The following THADA variants were observed in gnomAD, a reference collection of about 807,000 sequenced individuals.
THADA encodes THADA armadillo repeat containing.
In THADA, 213 loss-of-function variants were observed where a neutral mutation model predicts 219.8. That is an observed-to-expected ratio of 0.97 (90% CI 0.87 to 1.09). The LOEUF is 1.09. Ranked by LOEUF, THADA falls within the 50% of genes least tolerant of loss-of-function variation. The pLI, the probability that THADA is intolerant of heterozygous loss-of-function variation, is 0.00. For synonymous variants in THADA, 1,018 were observed against 828.9 expected (o/e 1.23, Z -3.92); for missense variants, 2,956 against 2,311.3 (o/e 1.28, Z -5.72).
At chr2:43,274,993 CT>C (rs202126240) in intron 36 of THADA, among the ~76,000 whole-genome samples, 6,233 of 121,634 alleles carry the variant, frequency 0.051, 458 homozygotes, top group African/African-American at 0.18. Context: ...CTTTTCTTTT[CT>C]TTTCTTTTTT....
chr2:43,483,507 A>G (rs1283238339), intron 26 of THADA, among the ~76,000 whole-genome samples: 1 of 152,166 alleles, frequency 6.6e-6, no homozygotes, highest in East Asian at 1.9e-4. Flanking sequence ...TCAGATTACT[A>G]AAATTAAAAG....
At chr2:43,550,409 C>T (rs534352249) in intron 19 of THADA, among the ~76,000 whole-genome samples, 3 of 152,238 alleles carry the variant, frequency 2.0e-5, no homozygotes, top group Admixed American at 6.5e-5. Context: ...GAAAAACTAA[C>T]AATGACCCCA....
At chr2:43,396,715 G>T (rs1161828730) in intron 29 of THADA, among the ~76,000 whole-genome samples, 2 of 152,018 alleles carry the variant, frequency 1.3e-5, no homozygotes, top group Admixed American at 1.3e-4. Flanking sequence ...GGAGGCTGAG[G>T]CACGAGAATG....
At chr2:43,434,045 GC>G (rs1386514073) in intron 26 of THADA, among the ~76,000 whole-genome samples, 2 of 152,092 alleles carry the variant, frequency 1.3e-5, no homozygotes, top group African/African-American at 4.8e-5. Flanking sequence ...AGTAAGAGTA[GC>G]AAAGATAATC....
chr2:43,465,928 A>T (rs554972008), intron 26 of THADA, among the ~76,000 whole-genome samples: 2 of 152,270 alleles, frequency 1.3e-5, no homozygotes, highest in East Asian at 3.9e-4. Flanking sequence ...TGTAAATGGC[A>T]CCATGAGCCC....
intron 36 of THADA, among the ~76,000 whole-genome samples, chr2:43,253,422 T>G (rs1003976563): frequency 6.6e-6 from 1 of 152,150 alleles, no homozygotes; most frequent in Non-Finnish European, 1.5e-5. Flanking sequence ...TCCTTAAAGG[T>G]GGCTCTAACC....
At chr2:43,402,501 C>T (rs965883122) in intron 28 of THADA, among the ~76,000 whole-genome samples, 4 of 152,158 alleles carry the variant, frequency 2.6e-5, no homozygotes, top group Non-Finnish European at 4.4e-5. Flanking sequence ...AGAGTGGGGG[C>T]TAAGCTTTTT....
In THADA at chr2:43,320,446, C is replaced by G; in HGVS notation, c.4438G>C (p.Val1480Leu). Residue 1480 changes from valine (V) to leucine (L), a missense_variant and splice_region_variant, in exon 31 of 38, where the codon GTT (valine) becomes CTT (leucine). Coordinates refer to ENST00000405975, the MANE Select transcript of THADA (RefSeq NM_022065.5). ...AATACAGTATAACTATGAATCATACCTGGCTGGTTGTCCTTTGCAGATCTG... is the reference window on the plus strand; with the variant it reads ...AATACAGTATAACTATGAATCATACGTGGCTGGTTGTCCTTTGCAGATCTG... ...LNRSAKDNQP[V>L]LESLGFWEEV... The G allele has an allele frequency of 6.2e-7, 1 of 1,609,312 alleles. No individual in the cohort carries two copies.
intron 28 of THADA, among the ~76,000 whole-genome samples, chr2:43,418,372 C>T (rs1677273770): frequency 6.6e-6 from 1 of 152,168 alleles, no homozygotes; most frequent in Non-Finnish European, 1.5e-5. Flanking sequence ...ACCAATGCTC[C>T]TTTGTTACTG....
intron 26 of THADA, among the ~76,000 whole-genome samples, chr2:43,472,704 T>C (rs1206170498): frequency 2.0e-5 from 3 of 152,202 alleles, no homozygotes; most frequent in African/African-American, 4.8e-5. Context: ...GACAATTGCA[T>C]TGTAGTGTAA....
chr2:43,278,831 G>C (rs1453426396), intron 36 of THADA, among the ~76,000 whole-genome samples: 1 of 152,194 alleles, frequency 6.6e-6, no homozygotes, highest in African/African-American at 2.4e-5. Context: ...GAGGGGCCTT[G>C]CATCAATTAC....
intron 25 of THADA, among the ~76,000 whole-genome samples, chr2:43,497,086 G>A (rs1688358035): frequency 6.6e-6 from 1 of 152,208 alleles, no homozygotes; most frequent in South Asian, 2.1e-4. Context: ...TACACTGTTG[G>A]TGGAAATGTA....
rs1239037529 is a variant in THADA, at chr2:43,595,998, T to C, written c.-92A>G. The stretch of plus-strand genomic sequence containing the variant: ...CCAGTCCCGGAAGCAGGTCTCCTTC[T>C]ACGGCGTCTCCGAGGCTCGCAGCGC... On this transcript the variant is annotated 5_prime_UTR_variant, in exon 1 of 38. Transcript: ENST00000405975. 1 of 152,356 alleles carries C rather than the reference T, an allele frequency of 6.6e-6. No homozygotes were observed. The highest frequency in any genetic ancestry group is 1.5e-5 in the Non-Finnish European group (1 of 68,120). The allele number at this position is 152,356 out of a possible 1,614,324, so 9.4% of individuals were successfully genotyped here.
At chr2:43,307,863 AT>A (rs1424508921) in intron 31 of THADA, among the ~76,000 whole-genome samples, 1 of 152,254 alleles carries the variant, frequency 6.6e-6, no homozygotes, top group African/African-American at 2.4e-5. Flanking sequence ...AAATTTAAAA[AT>A]ATCCTAAAAT....
intron 28 of THADA, among the ~76,000 whole-genome samples, chr2:43,419,838 C>A (rs917847369): frequency 6.6e-6 from 1 of 152,128 alleles, no homozygotes; most frequent in South Asian, 2.1e-4. Context: ...TTTCCCACTA[C>A]AATTCATTAC....
chr2:43,279,277 T>C (rs1350131733), intron 36 of THADA, among the ~76,000 whole-genome samples: 1 of 152,150 alleles, frequency 6.6e-6, no homozygotes, highest in Non-Finnish European at 1.5e-5. Context: ...TATTATCAAA[T>C]GAGCAGCTAG....
At chr2:43,518,903 C>T (rs886446950) in intron 22 of THADA, among the ~76,000 whole-genome samples, 2 of 152,104 alleles carry the variant, frequency 1.3e-5, no homozygotes, top group African/African-American at 4.8e-5. Flanking sequence ...CTATCTCCAA[C>T]CTGGACCCCT....
chr2:43,536,117 G>C (rs554935269), intron 21 of THADA, among the ~76,000 whole-genome samples: 2 of 152,146 alleles, frequency 1.3e-5, no homozygotes, highest in Non-Finnish European at 2.9e-5. Context: ...ATTTTGAGTT[G>C]ATTTTTGTAT....
intron 29 of THADA, among the ~76,000 whole-genome samples, chr2:43,348,043 G>C (rs1438878261): frequency 1.3e-5 from 2 of 152,174 alleles, no homozygotes; most frequent in Non-Finnish European, 2.9e-5. Context: ...CAAGAGGAGG[G>C]GAGGGTTGAA....
Sources: gnomAD v4.1 joint callset for allele counts (sites outside exome capture counted in the v4.1 genomes callset) on GRCh38, gnomAD v4.1.1 for gene constraint, MANE v1.5 for transcripts, NCBI Gene and HGNC (gene_info 2026-07-23, HGNC 2026-07-21) for gene names.